LINGO2: variants seen among roughly 807,000 people sequenced by gnomAD.
LINGO2 encodes the protein leucine rich repeat and Ig domain containing 2, also known as leucine-rich repeat and immunoglobulin-like domain-containing nogo receptor-interacting protein 2.
LINGO2 carries 14 observed loss-of-function variants against 30.6 expected under a neutral mutation model. The observed-to-expected ratio is 0.46, with a 90% CI of 0.30 to 0.72. LINGO2 has a LOEUF of 0.72. LINGO2 is among the 30% of genes least tolerant of loss of function. The pLI is 0.07. For missense variants in LINGO2, 729 were observed against 751.7 expected (o/e 0.97, Z 0.35); for synonymous variants, 317 against 288.5 (o/e 1.10, Z -1.00).
chr9:28,611,333 C>T (rs1396684087), intron 1 of LINGO2, among the ~76,000 whole-genome samples: 1 of 151,416 alleles, frequency 6.6e-6, no homozygotes, highest in Non-Finnish European at 1.5e-5. Flanking sequence ...CATCCATCAT[C>T]TCACAATGTT....
the LINGO2 span, among the ~76,000 whole-genome samples, chr9:29,075,143 T>G: frequency 2.6e-5 from 4 of 152,172 alleles, no homozygotes; most frequent in African/African-American, 9.7e-5. Context: ...TACTTAGTTC[T>G]GAAAACACAA....
Position 28,467,066 on chromosome 9 carries a change from C to T in LINGO2, c.-279+8874G>A, listed in dbSNP as rs1418595062. On this transcript the variant is annotated intron_variant, in intron 2 of 5. Transcript: ENST00000379992. ...GGGGGGACGGAGTCTCGCTCTGTTGCCCTGGCTAGAGTGCAGTGGCGCCAT... is the reference window on the plus strand; with the variant it reads ...GGGGGGACGGAGTCTCGCTCTGTTGTCCTGGCTAGAGTGCAGTGGCGCCAT... Among the ~76,000 whole-genome samples the T allele has an allele frequency of 2.0e-5, 3 of 150,870 alleles. No homozygotes were observed. In the East Asian group the frequency reaches 6.0e-4, roughly 30 times the overall value.
intron 2 of LINGO2, among the ~76,000 whole-genome samples, chr9:28,421,494 A>G (rs1823195693): frequency 6.6e-6 from 1 of 151,770 alleles, no homozygotes; most frequent in African/African-American, 2.4e-5. Context: ...CTTGAAAAAA[A>G]AAACAAAGTT....
chr9:29,125,962 C>A, the LINGO2 span, among the ~76,000 whole-genome samples: 1 of 152,086 alleles, frequency 6.6e-6, no homozygotes, highest in African/African-American at 2.4e-5. Context: ...ATAAAAACCA[C>A]TTATTTGTCT....
chr9:29,057,498 T>A, the LINGO2 span, among the ~76,000 whole-genome samples: 1 of 152,142 alleles, frequency 6.6e-6, no homozygotes, highest in Non-Finnish European at 1.5e-5. Context: ...CATAGTATCA[T>A]CCTTAACTTT....
rs1271326920 is a variant in LINGO2 at position 28,557,672 on chromosome 9, A to T, written c.-364-81647T>A. ...GTATATACCCAAAGGACTATAAATC[A>T]TGCTGCTATAAAGACACATGCACAT... On this transcript the variant is annotated intron_variant, in intron 1 of 5. Coordinates refer to ENST00000379992, the Ensembl canonical transcript of LINGO2. Among the ~76,000 whole-genome samples, 709 of 151,506 alleles carry T rather than the reference A, an allele frequency of 4.7e-3. 2 individuals carry two copies. Among genetic ancestry groups the T allele is most frequent in the Admixed American group, 9.1e-3 (138 of 15,140 alleles).
chr9:28,470,640 A>G (rs905145206), intron 2 of LINGO2, among the ~76,000 whole-genome samples: 1 of 152,146 alleles, frequency 6.6e-6, no homozygotes, highest in Non-Finnish European at 1.5e-5. Context: ...GGGGTATGCA[A>G]TCATTCTCCT....
At chr9:28,990,955 C>A in the LINGO2 span, among the ~76,000 whole-genome samples, 2 of 152,218 alleles carry the variant, frequency 1.3e-5, no homozygotes, top group Non-Finnish European at 2.9e-5. Flanking sequence ...AAAAGCAGAG[C>A]ACTTCTCCTC....
chr9:28,296,391 G>A (rs961492844), intron 3 of LINGO2, among the ~76,000 whole-genome samples: 11 of 152,080 alleles, frequency 7.2e-5, no homozygotes, highest in Non-Finnish European at 1.0e-4. Flanking sequence ...TATTTTCTAC[G>A]TAGTGCACAG....
At chr9:29,103,773 A>C in the LINGO2 span, among the ~76,000 whole-genome samples, 4 of 152,302 alleles carry the variant, frequency 2.6e-5, no homozygotes, top group African/African-American at 9.6e-5. Context: ...TCAGACCCAC[A>C]TTTCATGGTC....
chr9:28,187,357 G>T (rs181669787), intron 4 of LINGO2, among the ~76,000 whole-genome samples: 7 of 152,100 alleles, frequency 4.6e-5, no homozygotes, highest in Non-Finnish European at 5.9e-5. Flanking sequence ...GAGCATGGTC[G>T]CAAGGGCCTG....
chr9:28,884,661 A>G, the LINGO2 span, among the ~76,000 whole-genome samples: 1 of 111,118 alleles, frequency 9.0e-6, no homozygotes, highest in African/African-American at 3.4e-5. Flanking sequence ...AACTCAATGT[A>G]TTTTCCATAT....
chr9:28,085,613 C>A (rs544971756), intron 4 of LINGO2, among the ~76,000 whole-genome samples: 11 of 152,020 alleles, frequency 7.2e-5, no homozygotes, highest in Non-Finnish European at 1.5e-4. Flanking sequence ...CATTCTCAGA[C>A]CTCACTGGAA....
the LINGO2 span, among the ~76,000 whole-genome samples, chr9:29,002,667 C>G: frequency 3.3e-5 from 5 of 151,972 alleles, no homozygotes; most frequent in African/African-American, 1.2e-4. Flanking sequence ...AGTAAATTTA[C>G]CTGCGCTCTG....
At chr9:28,814,806 CAA>C in the LINGO2 span, among the ~76,000 whole-genome samples, 2 of 147,792 alleles carry the variant, frequency 1.4e-5, no homozygotes, top group African/African-American at 2.5e-5. Flanking sequence ...CACACACACA[CAA>C]ACAGACACAC....
chr9:29,108,765 G>A, the LINGO2 span, among the ~76,000 whole-genome samples: 1 of 152,180 alleles, frequency 6.6e-6, no homozygotes, highest in South Asian at 2.1e-4. Flanking sequence ...GAAGATGCTT[G>A]AATTCCTGTT....
the LINGO2 span, among the ~76,000 whole-genome samples, chr9:29,054,447 C>G: frequency 6.6e-6 from 1 of 152,062 alleles, no homozygotes; most frequent in African/African-American, 2.4e-5. Context: ...AGCTTTTGAT[C>G]TTTTATAAAT....
the LINGO2 span, among the ~76,000 whole-genome samples, chr9:28,751,328 TG>T: frequency 0.027 from 3,955 of 148,162 alleles, 209 homozygotes; most frequent in African/African-American, 0.089. Context: ...TTTGATTCAC[TG>T]CTTGCTTTTA....
chr9:28,178,449 T>C (rs1358575688), intron 4 of LINGO2, among the ~76,000 whole-genome samples: 2 of 151,942 alleles, frequency 1.3e-5, no homozygotes, highest in Non-Finnish European at 2.9e-5. Flanking sequence ...GTGTTAAATA[T>C]GGTTAAAAAA....
Sources: allele counts gnomAD v4.1 joint callset (sites outside exome capture counted in the v4.1 genomes callset), GRCh38; gene constraint gnomAD v4.1.1; transcripts MANE v1.5; gene names NCBI Gene and HGNC (gene_info 2026-07-23, HGNC 2026-07-21).